CTNND2: variants seen among roughly 807,000 people sequenced by gnomAD.
CTNND2 encodes catenin delta-2.
In CTNND2, 22 loss-of-function variants were observed where a neutral mutation model predicts 144.4. The ratio of observed to expected loss-of-function variants is 0.15; its 90% CI spans 0.11 to 0.22. The LOEUF (loss-of-function observed/expected upper bound fraction) is 0.22, where lower values mean the gene tolerates loss of function less well. Ranked by LOEUF, CTNND2 falls within the 10% of genes least tolerant of loss-of-function variation. CTNND2 has a pLI of 1.00. For missense variants in CTNND2, 1,353 were observed against 1,618.8 expected (o/e 0.84, Z 2.82); for synonymous variants, 751 against 695.6 (o/e 1.08, Z -1.25).
At position 11,216,082 on chromosome 5, in the gene CTNND2, T is replaced by A. The variant is rs61750751; in HGVS notation, c.1762-16421A>T. 2.8e-3 allele frequency among the ~76,000 whole-genome samples: 432 copies of A among 152,272 alleles called. 2 individuals carry two copies. The highest frequency in any genetic ancestry group is 0.016 in the South Asian group (78 of 4,820). ...CTGTTAAGTGGTAAAAAATCCTGAATCTTATCTGAAGGAAGATAGCTCCAC... is the reference window on the plus strand; with the variant it reads ...CTGTTAAGTGGTAAAAAATCCTGAAACTTATCTGAAGGAAGATAGCTCCAC... On this transcript the variant is annotated intron_variant, in intron 10 of 21. Transcript: ENST00000304623.
At chr5:11,734,144 A>G (rs905927639) in intron 1 of CTNND2, among the ~76,000 whole-genome samples, 9 of 152,178 alleles carry the variant, frequency 5.9e-5, no homozygotes, top group Non-Finnish European at 1.0e-4. Flanking sequence ...TTTGCTTCCC[A>G]GCTCCAGAAC....
Position 11,820,775 on chromosome 5 carries a change from T to C in CTNND2, c.37+83042A>G, listed in dbSNP as rs143007726. 1.2e-3 allele frequency among the ~76,000 whole-genome samples: 181 copies of C among 152,324 alleles called. 1 individual carries two copies. Among genetic ancestry groups the C allele is most frequent in the South Asian group, 4.6e-3 (22 of 4,830 alleles). ...TGTTGAACAAGTTGAGTAAACTCTTTGAAACTTCAGGTACTGCAGGATGTG... is the reference window on the plus strand; with the variant it reads ...TGTTGAACAAGTTGAGTAAACTCTTCGAAACTTCAGGTACTGCAGGATGTG... On this transcript the variant is annotated intron_variant, in intron 1 of 21. Transcript: ENST00000304623.
chr5:11,456,094 C>T (rs766298274), intron 3 of CTNND2, among the ~76,000 whole-genome samples: 2 of 152,268 alleles, frequency 1.3e-5, no homozygotes, highest in East Asian at 3.9e-4. Flanking sequence ...CACAAGACTG[C>T]ACATTCAATT....
intron 9 of CTNND2, among the ~76,000 whole-genome samples, chr5:11,322,775 A>C (rs1453680020): frequency 1.3e-5 from 2 of 152,228 alleles, no homozygotes; most frequent in African/African-American, 4.8e-5. Flanking sequence ...CTCCTTCGGC[A>C]GGTAACAAAG....
chr5:11,266,496 A>G (rs1745453184), intron 9 of CTNND2, among the ~76,000 whole-genome samples: 1 of 152,240 alleles, frequency 6.6e-6, no homozygotes, highest in South Asian at 2.1e-4. Flanking sequence ...TGGCCATTTT[A>G]ATTGCAGTAT....
intron 18 of CTNND2, among the ~76,000 whole-genome samples, chr5:10,999,975 C>T (rs930175402): frequency 3.3e-5 from 5 of 152,228 alleles, no homozygotes; most frequent in African/African-American, 9.6e-5. Flanking sequence ...CCACTACCAT[C>T]GGTCTTCACG....
chr5:11,887,387 C>T (rs561559967), intron 1 of CTNND2, among the ~76,000 whole-genome samples: 2 of 151,902 alleles, frequency 1.3e-5, no homozygotes, highest in Non-Finnish European at 2.9e-5. Flanking sequence ...GGCTGATTTG[C>T]TATTTAATTA....
intron 9 of CTNND2, among the ~76,000 whole-genome samples, chr5:11,314,806 T>C (rs1751331917): frequency 6.6e-6 from 1 of 152,102 alleles, no homozygotes; most frequent in Admixed American, 6.6e-5. Flanking sequence ...AATGAATGTC[T>C]TAGCTGCAAT....
intron 2 of CTNND2, among the ~76,000 whole-genome samples, chr5:11,705,931 T>C (rs1366451309): frequency 6.6e-6 from 1 of 152,164 alleles, no homozygotes; most frequent in East Asian, 1.9e-4. Context: ...ATAGACTCAC[T>C]CTAGAGACTC....
intron 1 of CTNND2, among the ~76,000 whole-genome samples, chr5:11,830,657 G>A (rs768239685): frequency 4.6e-5 from 7 of 152,094 alleles, no homozygotes; most frequent in African/African-American, 7.2e-5. Flanking sequence ...GCGTGAAAAC[G>A]GACTAGTACG....
At chr5:11,880,997 GTAC>G (rs796626998) in intron 1 of CTNND2, among the ~76,000 whole-genome samples, 134 of 103,326 alleles carry the variant, frequency 1.3e-3, no homozygotes, top group African/African-American at 4.6e-3. Flanking sequence ...ACTGCTACTA[GTAC>G]TACTACCACC....
chr5:11,550,596 C>G (rs1375204193), intron 3 of CTNND2, among the ~76,000 whole-genome samples: 1 of 152,176 alleles, frequency 6.6e-6, no homozygotes, highest in Admixed American at 6.5e-5. Flanking sequence ...TTTTAAACTT[C>G]CTCAGCTCTT....
intron 2 of CTNND2, among the ~76,000 whole-genome samples, chr5:11,572,282 A>C (rs944796901): frequency 6.6e-6 from 1 of 152,134 alleles, no homozygotes; most frequent in African/African-American, 2.4e-5. Context: ...GATGCTGATC[A>C]TGTTCCTGTT....
At chr5:11,706,871 G>A (rs998250059) in intron 2 of CTNND2, among the ~76,000 whole-genome samples, 1 of 151,952 alleles carries the variant, frequency 6.6e-6, no homozygotes, top group Non-Finnish European at 1.5e-5. Flanking sequence ...GGATCACGAG[G>A]TCAGGAGATC....
intron 18 of CTNND2, among the ~76,000 whole-genome samples, chr5:10,999,801 G>A (rs905987071): frequency 6.6e-6 from 1 of 152,216 alleles, no homozygotes; most frequent in Non-Finnish European, 1.5e-5. Flanking sequence ...ACAATCTGAT[G>A]TTCTTTATCT....
At chr5:11,522,755 G>A (rs1231863322) in intron 3 of CTNND2, among the ~76,000 whole-genome samples, 2 of 152,064 alleles carry the variant, frequency 1.3e-5, no homozygotes, top group East Asian at 3.9e-4. Context: ...CATTACTCAG[G>A]ACCAATTAAG....
chr5:11,089,298 T>C (rs534351855), intron 15 of CTNND2, among the ~76,000 whole-genome samples: 1 of 152,352 alleles, frequency 6.6e-6, no homozygotes, highest in African/African-American at 2.4e-5. Flanking sequence ...CTCTCAATCA[T>C]GGAACCCTAG....
chr5:11,700,048 T>C (rs1245530043), intron 2 of CTNND2, among the ~76,000 whole-genome samples: 1 of 152,152 alleles, frequency 6.6e-6, no homozygotes, highest in Non-Finnish European at 1.5e-5. Context: ...TAGGTAGTTG[T>C]GTTTAACATA....
chr5:11,707,157 AAC>A (rs1785755399), intron 2 of CTNND2, among the ~76,000 whole-genome samples: 2 of 152,102 alleles, frequency 1.3e-5, no homozygotes, highest in Non-Finnish European at 2.9e-5. Flanking sequence ...TGACTGCAGA[AAC>A]ACAGCACTTC....
Sources: gnomAD v4.1 joint callset for allele counts (sites outside exome capture counted in the v4.1 genomes callset) on GRCh38, gnomAD v4.1.1 for gene constraint, MANE v1.5 for transcripts, NCBI Gene and HGNC (gene_info 2026-07-23, HGNC 2026-07-21) for gene names.